The following PDE4D variants were observed in gnomAD, a reference collection of about 807,000 sequenced individuals.
PDE4D encodes the protein phosphodiesterase 4D.
A neutral mutation model predicts 87.4 loss-of-function variants in PDE4D; 24 were observed. The ratio of observed to expected loss-of-function variants is 0.27; its 90% CI spans 0.20 to 0.39. PDE4D has a LOEUF of 0.39. Ranked by LOEUF, PDE4D falls within the 10% of genes least tolerant of loss-of-function variation. The pLI is 1.00. For missense variants in PDE4D, 714 were observed against 1,041.0 expected (o/e 0.69, Z 4.32); for synonymous variants, 384 against 383.2 (o/e 1.00, Z -0.02).
intron 2 of PDE4D, among the ~76,000 whole-genome samples, chr5:60,034,518 G>C (rs909187914): frequency 6.6e-6 from 1 of 151,972 alleles, no homozygotes; most frequent in Non-Finnish European, 1.5e-5. Context: ...CTCTTAAAAG[G>C]CCCCTTTATA....
intron 1 of PDE4D, among the ~76,000 whole-genome samples, chr5:59,804,095 T>C (rs1413045315): frequency 6.6e-6 from 1 of 152,242 alleles, no homozygotes; most frequent in Non-Finnish European, 1.5e-5. Flanking sequence ...CATTCATTAG[T>C]GGTGATTTCT....
At chr5:59,581,407 A>G (rs1385095295) in intron 1 of PDE4D, among the ~76,000 whole-genome samples, 1 of 152,242 alleles carries the variant, frequency 6.6e-6, no homozygotes, top group Admixed American at 6.5e-5. Context: ...AAAAGGAAGA[A>G]GCAAAAAGGA....
intron 1 of PDE4D, among the ~76,000 whole-genome samples, chr5:59,844,981 G>A (rs954330436): frequency 1.3e-5 from 2 of 152,042 alleles, no homozygotes; most frequent in African/African-American, 4.8e-5. Context: ...GCCAAAGGAT[G>A]AGGAACTGCA....
intron 1 of PDE4D, among the ~76,000 whole-genome samples, chr5:59,288,164 C>A (rs1767344940): frequency 6.6e-6 from 1 of 151,970 alleles, no homozygotes; most frequent in South Asian, 2.1e-4. Context: ...AGATATGTGA[C>A]CTTTTAGACA....
rs1388150593 is a variant in PDE4D at position 59,826,560 on chromosome 5, A to T, written c.455+66608T>A. On this transcript the variant is annotated intron_variant, in intron 1 of 14. Coordinates refer to ENST00000340635, the MANE Select transcript of PDE4D (RefSeq NM_001104631.2). ...CTAGGGTACCTGTGCACAACATGCAATGCAGCCAAAAGACACATGAGAACA... is the reference window on the plus strand; with the variant it reads ...CTAGGGTACCTGTGCACAACATGCATTGCAGCCAAAAGACACATGAGAACA... 2.6e-5 allele frequency among the ~76,000 whole-genome samples: 4 copies of T among 152,044 alleles called. No homozygotes were observed. The East Asian group carries it at 7.7e-4, about 29-fold the overall frequency.
chr5:59,866,577 A>G (rs1312105748), intron 1 of PDE4D, among the ~76,000 whole-genome samples: 1 of 152,190 alleles, frequency 6.6e-6, no homozygotes, highest in Non-Finnish European at 1.5e-5. Flanking sequence ...TGAGCCCAGG[A>G]GTTTGAGGTG....
chr5:60,404,218 C>T (rs1741341804), intron 1 of PDE4D, among the ~76,000 whole-genome samples: 1 of 143,108 alleles, frequency 7.0e-6, no homozygotes, highest in African/African-American at 2.6e-5. Flanking sequence ...GACAGAGCCA[C>T]ATTCATTCCT....
chr5:60,435,781 G>A (rs1313125251), intron 1 of PDE4D, among the ~76,000 whole-genome samples: 1 of 151,894 alleles, frequency 6.6e-6, no homozygotes, highest in Non-Finnish European at 1.5e-5. Flanking sequence ...ATATTTTATT[G>A]CAAATTGGGA....
chr5:59,731,906 AC>A (rs1355420150), intron 1 of PDE4D, among the ~76,000 whole-genome samples: 1 of 152,188 alleles, frequency 6.6e-6, no homozygotes, highest in Non-Finnish European at 1.5e-5. Context: ...GTGCATTATA[AC>A]TGAATGTTGT....
intron 1 of PDE4D, among the ~76,000 whole-genome samples, chr5:60,210,886 T>C: frequency 6.6e-6 from 1 of 152,164 alleles, no homozygotes; most frequent in East Asian, 1.9e-4. Context: ...TTCTAACAGC[T>C]GCGTTTCCAT....
chr5:60,077,762 T>C (rs1236351992), intron 2 of PDE4D, among the ~76,000 whole-genome samples: 1 of 152,208 alleles, frequency 6.6e-6, no homozygotes, highest in African/African-American at 2.4e-5. Context: ...TCCCTTCCAC[T>C]TCTCTAAGCA....
At chr5:59,705,870 T>C (rs1372861069) in intron 1 of PDE4D, among the ~76,000 whole-genome samples, 1 of 151,746 alleles carries the variant, frequency 6.6e-6, no homozygotes, top group African/African-American at 2.4e-5. Flanking sequence ...AAGTGGTGGA[T>C]TATAGCACAA....
intron 1 of PDE4D, among the ~76,000 whole-genome samples, chr5:60,260,356 T>G (rs1484759420): frequency 6.6e-6 from 1 of 152,026 alleles, no homozygotes; most frequent in Non-Finnish European, 1.5e-5. Flanking sequence ...TAATCCTATG[T>G]CCTATACATC....
At chr5:59,443,052 C>CT (rs2153636937) in intron 1 of PDE4D, among the ~76,000 whole-genome samples, 1 of 152,302 alleles carries the variant, frequency 6.6e-6, no homozygotes, top group African/African-American at 2.4e-5. Flanking sequence ...AAAATGGCCC[C>CT]TGTCCTCACA....
At chr5:59,371,396 G>T (rs1177076871) in intron 1 of PDE4D, among the ~76,000 whole-genome samples, 1 of 152,198 alleles carries the variant, frequency 6.6e-6, no homozygotes. Flanking sequence ...GAGGCAGAGA[G>T]ACAATGTCGT....
intron 1 of PDE4D, among the ~76,000 whole-genome samples, chr5:59,434,404 C>A (rs2153633191): frequency 6.6e-6 from 1 of 152,096 alleles, no homozygotes. Context: ...GCTTGGAAGA[C>A]TCCTTCCCTC....
chr5:60,149,555 T>C (rs1488295892), intron 2 of PDE4D, among the ~76,000 whole-genome samples: 1 of 152,160 alleles, frequency 6.6e-6, no homozygotes, highest in Admixed American at 6.6e-5. Flanking sequence ...GCCTACTAGC[T>C]ACTTTTACTG....
intron 1 of PDE4D, among the ~76,000 whole-genome samples, chr5:60,241,600 G>A (rs981554899): frequency 7.9e-5 from 12 of 151,928 alleles, no homozygotes; most frequent in African/African-American, 2.9e-4. Flanking sequence ...AAATTAGTGA[G>A]CTAGAAGACA....
chr5:60,097,782 T>C (rs957481697), intron 2 of PDE4D, among the ~76,000 whole-genome samples: 2 of 151,910 alleles, frequency 1.3e-5, no homozygotes, highest in Non-Finnish European at 2.9e-5. Context: ...GGTGCTGTGA[T>C]GGACATTAGA....
Sources: gnomAD v4.1 joint callset for allele counts (sites outside exome capture counted in the v4.1 genomes callset) on GRCh38, gnomAD v4.1.1 for gene constraint, MANE v1.5 for transcripts, NCBI Gene and HGNC (gene_info 2026-07-23, HGNC 2026-07-21) for gene names.